The following H3Y2 variants were observed in gnomAD, a reference collection of about 807,000 sequenced individuals.
The protein encoded by H3Y2 is histone H3.X.
In H3Y2, 2 loss-of-function variants were observed where a neutral mutation model predicts 0.6. The ratio of observed to expected loss-of-function variants is 3.36; its 90% CI spans 1.37 to 10.58. The LOEUF (loss-of-function observed/expected upper bound fraction) is 10.58. Among genes scored for constraint, H3Y2 ranks in the 30% most tolerant of loss-of-function variants. The pLI, the probability that H3Y2 is intolerant of heterozygous loss-of-function variation, is 0.04. For synonymous variants in H3Y2, 20 were observed against 7.8 expected (o/e 2.56, Z -2.60); for missense variants, 36 against 19.1 (o/e 1.89, Z -1.66).
At position 17,491,559 on chromosome 5, in the gene H3Y2, A is replaced by G. The variant is rs541952863; in HGVS notation, c.210T>C (p.Arg70=). ...TGGCCTGGGCGATCTCACGCACCAG[A>G]CGCTGGAAGGGCAGCTTGCGCAGGA... ...QLLLRKLPFQ[R]LVREIAQAIS... is the part of the protein sequence containing the mutation. Residue 70 remains arginine (R), a synonymous_variant, in exon 1 of 1, where the codon CGT becomes CGC. Coordinates refer to ENST00000600799, the MANE Select transcript of H3Y2 (RefSeq NM_001371919.1). The G allele has an allele frequency of 5.6e-4, 253 of 452,962 alleles. 1 individual carries two copies. The highest frequency in any genetic ancestry group is 5.8e-4 in the Admixed American group (14 of 24,202). The allele number at this position is 452,962 out of a possible 1,614,324, so 28.1% of individuals were successfully genotyped here.
chr5:17,491,909 C>CCA lies in H3Y2; in HGVS notation c.-143_-142dup. ...GTTGAGATCCATGCGCAGGACTCTC[C>CCA]CACACACTTAACCCCTGCCAACCCA... is the stretch of plus-strand genomic sequence containing the variant. On this transcript the variant is annotated 5_prime_UTR_variant, in exon 1 of 1. Transcript: ENST00000600799. 1 of 397,274 alleles carries CCA rather than the reference C, an allele frequency of 2.5e-6. No homozygotes were observed. The highest frequency in any genetic ancestry group is 4.4e-6 in the Non-Finnish European group (1 of 226,108). 24.6% of individuals were successfully genotyped at this position (397,274 alleles called of 1,614,324 possible).
rs1738106437 is a variant in H3Y2, at chr5:17,491,310, C to G, written c.*15G>C. On this transcript the variant is annotated 3_prime_UTR_variant, in exon 1 of 1. Coordinates refer to ENST00000600799, the MANE Select transcript of H3Y2 (RefSeq NM_001371919.1). ...AGAGAAAAAAGAAAACACAAGCAAACAGAAAAGAAGTCCTCTAGAGTGCAA... is the reference window on the plus strand; with the variant it reads ...AGAGAAAAAAGAAAACACAAGCAAAGAGAAAAGAAGTCCTCTAGAGTGCAA... The G allele has an allele frequency of 2.5e-6, 1 of 401,112 alleles. No homozygotes were observed. Among genetic ancestry groups the G allele is most frequent in the Non-Finnish European group, 4.4e-6 (1 of 227,072 alleles). 24.8% of individuals were successfully genotyped at this position (401,112 alleles called of 1,614,324 possible).
chr5:17,491,461 T>G lies in H3Y2; in HGVS notation c.308A>C (p.Gln103Pro), dbSNP rs1482070016. Reference protein sequence around the residue: ...LQEASEAYLVQLFEDTNLCAI... With the variant: ...LQEASEAYLVPLFEDTNLCAI... ...ACACAGGTTGGTGTCTTCAAAGAGT[T>G]GCACCAGGTAGGCCTCGCTGGCCTC... The change falls in exon 1 of 1, where the codon CAA becomes CCA. Residue 103 changes from glutamine (Q) to proline (P), a missense_variant. Physicochemically the swap from Gln to Pro is moderately conservative, Grantham distance 76. Transcript: ENST00000600799. 7 of 567,964 alleles carry G rather than the reference T, an allele frequency of 1.2e-5. No individual in the cohort carries two copies. Among genetic ancestry groups the G allele is most frequent in the Non-Finnish European group, 1.9e-5 (6 of 319,036 alleles). 35.2% of individuals were successfully genotyped at this position (567,964 alleles called of 1,614,324 possible).
At position 17,491,421 on chromosome 5, in the gene H3Y2, C is replaced by A. The variant is rs1255857373; in HGVS notation, c.348G>T (p.Arg116Ser). The A allele has an allele frequency of 7.8e-6, 4 of 511,332 alleles. No homozygotes were observed. The highest frequency in any genetic ancestry group is 1.4e-5 in the Non-Finnish European group (4 of 287,408). The allele number at this position is 511,332 out of a possible 1,614,324, so 31.7% of individuals were successfully genotyped here. ...EDTNLCAIHA[R>S]RVTIMPRDMQ... is the part of the protein sequence containing the mutation. ...TGTCTCGGGGCATAATTGTGACGCG[C>A]CTGGCATGGATGGCACACAGGTTGG... The change falls in exon 1 of 1, where the codon AGG becomes AGT. Residue 116 changes from arginine (R) to serine (S), a missense_variant. By Grantham distance (110) the Arg-to-Ser change is moderately radical. Coordinates refer to ENST00000600799, the MANE Select transcript of H3Y2 (RefSeq NM_001371919.1).
rs919100944 is a variant in H3Y2, at chr5:17,491,225, A to T, written c.*100T>A. On this transcript the variant is annotated 3_prime_UTR_variant, in exon 1 of 1. Coordinates refer to ENST00000600799, the MANE Select transcript of H3Y2 (RefSeq NM_001371919.1). ...TGCTTAGCTACCTTTGGACCCCCGGAGGGAAAAGAAACCAAAACAGAACAA... is the reference window on the plus strand; with the variant it reads ...TGCTTAGCTACCTTTGGACCCCCGGTGGGAAAAGAAACCAAAACAGAACAA... The T allele has an allele frequency of 2.5e-6, 1 of 395,102 alleles. No homozygotes were observed. Among genetic ancestry groups the T allele is most frequent in the Admixed American group, 4.4e-5 (1 of 22,596 alleles). The allele number at this position is 395,102 out of a possible 1,614,324, so 24.5% of individuals were successfully genotyped here.
rs1425691217 is a variant in H3Y2 at position 17,491,576 on chromosome 5, T to C, written c.193A>G (p.Lys65Glu). 8 of 441,928 alleles carry C rather than the reference T, an allele frequency of 1.8e-5. No homozygotes were observed. Among genetic ancestry groups the C allele is most frequent in the Non-Finnish European group, 2.4e-5 (6 of 245,108 alleles). The allele number at this position is 441,928 out of a possible 1,614,324, so 27.4% of individuals were successfully genotyped here. ...CGCACCAGACGCTGGAAGGGCAGCT[T>C]GCGCAGGAGCAGCTGCGTGGACTTC... ...YQKSTQLLLR[K>E]LPFQRLVREI... Residue 65 changes from lysine to glutamate, a missense_variant, in exon 1 of 1, where the codon AAG becomes GAG. By Grantham distance (56) the Lys-to-Glu change is moderately conservative. Transcript: ENST00000600799.
rs748273545 is a variant in H3Y2 at position 17,491,850 on chromosome 5, G to A, written c.-82C>T. The A allele has an allele frequency of 2.5e-5, 10 of 398,652 alleles. No homozygotes were observed. The highest frequency in any genetic ancestry group is 4.4e-5 in the Non-Finnish European group (10 of 226,610). The allele number at this position is 398,652 out of a possible 1,614,324, so 24.7% of individuals were successfully genotyped here. A position where few individuals can be genotyped will look rare whatever the true frequency, so the allele number is the denominator to read the frequency against. Reference sequence around the variant, plus strand: ...GTACTGGCGTCAGAAAACAAGGGCAGTGGTGCTGTGGACAGGATTCAGAGA... The same window carrying A: ...GTACTGGCGTCAGAAAACAAGGGCAATGGTGCTGTGGACAGGATTCAGAGA... On this transcript the variant is annotated 5_prime_UTR_variant, in exon 1 of 1. Transcript: ENST00000600799.
In H3Y2 at chr5:17,491,878, C is replaced by T. The variant is rs546867764; in HGVS notation, c.-110G>A. ...GTGCTGTGGACAGGATTCAGAGAGCCTGTGAGTTGAGATCCATGCGCAGGA... is the reference window on the plus strand; with the variant it reads ...GTGCTGTGGACAGGATTCAGAGAGCTTGTGAGTTGAGATCCATGCGCAGGA... On this transcript the variant is annotated 5_prime_UTR_variant, in exon 1 of 1. Transcript: ENST00000600799. 2.5e-6 allele frequency: 1 copy of T among 397,754 alleles called. No individual in the cohort carries two copies. Among genetic ancestry groups the T allele is most frequent in the African/African-American group, 2.1e-5 (1 of 48,316 alleles). 24.6% of individuals were successfully genotyped at this position (397,754 alleles called of 1,614,324 possible). A position where few individuals can be genotyped will look rare whatever the true frequency, so the allele number is the denominator to read the frequency against.
In H3Y2 at chr5:17,491,905, T is replaced by C; in HGVS notation, c.-137A>G. The C allele has an allele frequency of 2.5e-6, 1 of 397,172 alleles. No individual in the cohort carries two copies. The highest frequency in any genetic ancestry group is 4.4e-6 in the Non-Finnish European group (1 of 226,040). The allele number at this position is 397,172 out of a possible 1,614,324, so 24.6% of individuals were successfully genotyped here. ...GTGAGTTGAGATCCATGCGCAGGACTCTCCCACACACTTAACCCCTGCCAA... is the reference window on the plus strand; with the variant it reads ...GTGAGTTGAGATCCATGCGCAGGACCCTCCCACACACTTAACCCCTGCCAA... On this transcript the variant is annotated 5_prime_UTR_variant, in exon 1 of 1. Transcript: ENST00000600799.
Position 17,491,612 on chromosome 5 carries a change from T to C in H3Y2, c.157A>G (p.Arg53Gly). The change falls in exon 1 of 1, where the codon AGA becomes GGA. Residue 53 changes from arginine to glycine, a missense_variant. Coordinates refer to ENST00000600799, the MANE Select transcript of H3Y2 (RefSeq NM_001371919.1). ...AGCTGCGTGGACTTCTGGTACTTTCTGATTTCCCGCAGCGCCAGGGTGCCA... is the reference window on the plus strand; with the variant it reads ...AGCTGCGTGGACTTCTGGTACTTTCCGATTTCCCGCAGCGCCAGGGTGCCA... The part of the protein sequence containing the change: ...KPGTLALREI[R>G]KYQKSTQLLL... 4.8e-6 allele frequency: 2 copies of C among 413,752 alleles called. No homozygotes were observed. Among genetic ancestry groups the C allele is most frequent in the East Asian group, 7.1e-5 (2 of 28,282 alleles). 25.6% of individuals were successfully genotyped at this position (413,752 alleles called of 1,614,324 possible).
rs557001837 is a variant in H3Y2 at position 17,492,022 on chromosome 5, C to A, written c.-254G>T. On this transcript the variant is annotated 5_prime_UTR_variant, in exon 1 of 1. Transcript: ENST00000600799. ...AGGTCTTGGGTTTCCTTGGTCTACC[C>A]AGCAGCAGCCAGGAGTCTCCCTCGC... is the stretch of plus-strand genomic sequence containing the variant. Among the ~76,000 whole-genome samples, 3 of 151,702 alleles carry A rather than the reference C, an allele frequency of 2.0e-5. No homozygotes were observed. The South Asian group carries it at 6.2e-4, about 32-fold the overall frequency.
rs1390267547 is a variant in H3Y2, at chr5:17,491,635, C to G, written c.134G>C (p.Gly45Ala). Reference protein sequence around the residue: ...GIKKPHRYKPGTLALREIRKY... With the variant: ...GIKKPHRYKPATLALREIRKY... Reference sequence around the variant, plus strand: ...TCTGATTTCCCGCAGCGCCAGGGTGCCAGGCTTGTAGCGGTGAGGCTTCTT... The same window carrying G: ...TCTGATTTCCCGCAGCGCCAGGGTGGCAGGCTTGTAGCGGTGAGGCTTCTT... Residue 45 changes from glycine to alanine, a missense_variant, in exon 1 of 1, where the codon GGC (glycine) becomes GCC (alanine). Physicochemically the swap from Gly to Ala is moderately conservative, Grantham distance 60 (BLOSUM62 0). Transcript: ENST00000600799. 2 of 413,714 alleles carry G rather than the reference C, an allele frequency of 4.8e-6. No individual in the cohort carries two copies. Among genetic ancestry groups the G allele is most frequent in the African/African-American group, 4.1e-5 (2 of 48,476 alleles). 25.6% of individuals were successfully genotyped at this position (413,714 alleles called of 1,614,324 possible). A position where few individuals can be genotyped will look rare whatever the true frequency, so the allele number is the denominator to read the frequency against.
In H3Y2 at chr5:17,491,862, A is replaced by T; in HGVS notation, c.-94T>A. 1 of 398,214 alleles carries T rather than the reference A, an allele frequency of 2.5e-6. No individual in the cohort carries two copies. Among genetic ancestry groups the T allele is most frequent in the Non-Finnish European group, 4.4e-6 (1 of 226,460 alleles). 24.7% of individuals were successfully genotyped at this position (398,214 alleles called of 1,614,324 possible). A position where few individuals can be genotyped will look rare whatever the true frequency, so the allele number is the denominator to read the frequency against. On this transcript the variant is annotated 5_prime_UTR_variant, in exon 1 of 1. Transcript: ENST00000600799. ...GAAAACAAGGGCAGTGGTGCTGTGGACAGGATTCAGAGAGCCTGTGAGTTG... is the reference window on the plus strand; with the variant it reads ...GAAAACAAGGGCAGTGGTGCTGTGGTCAGGATTCAGAGAGCCTGTGAGTTG...
At position 17,491,248 on chromosome 5, in the gene H3Y2, CA is replaced by C. The variant is rs1738105032; in HGVS notation, c.*76del. Reference sequence around the variant, plus strand: ...GGAGGGAAAAGAAACCAAAACAGAACAAAACTTCTCACATCAGAACTACCAG... The same window carrying C: ...GGAGGGAAAAGAAACCAAAACAGAACAAACTTCTCACATCAGAACTACCAG... On this transcript the variant is annotated 3_prime_UTR_variant, in exon 1 of 1. Transcript: ENST00000600799. The C allele has an allele frequency of 2.5e-6, 1 of 397,394 alleles. No homozygotes were observed. Among genetic ancestry groups the C allele is most frequent in the East Asian group, 3.6e-5 (1 of 28,012 alleles). The allele number at this position is 397,394 out of a possible 1,614,324, so 24.6% of individuals were successfully genotyped here.
In H3Y2 at chr5:17,491,189, T is replaced by G. The variant is rs1738103845; in HGVS notation, c.*136A>C. On this transcript the variant is annotated 3_prime_UTR_variant, in exon 1 of 1. Transcript: ENST00000600799. Reference sequence around the variant, plus strand: ...ACCTGATTTCTGCCTGCGTTTCCACTGGCAATCTTATGCTTAGCTACCTTT... The same window carrying G: ...ACCTGATTTCTGCCTGCGTTTCCACGGGCAATCTTATGCTTAGCTACCTTT... Among the ~76,000 whole-genome samples the G allele has an allele frequency of 6.6e-6, 1 of 151,754 alleles. No homozygotes were observed. The highest frequency in any genetic ancestry group is 2.1e-4 in the South Asian group (1 of 4,822).
Position 17,492,001 on chromosome 5 carries a change from C to T in H3Y2, c.-233G>A, listed in dbSNP as rs1738127992. Among the ~76,000 whole-genome samples, 1 of 151,638 alleles carries T rather than the reference C, an allele frequency of 6.6e-6. No homozygotes were observed. Among genetic ancestry groups the T allele is most frequent in the African/African-American group, 2.4e-5 (1 of 41,010 alleles). ...GGGCTGCTTAGTCTTCCCGGAAGGT[C>T]TTGGGTTTCCTTGGTCTACCCAGCA... On this transcript the variant is annotated 5_prime_UTR_variant, in exon 1 of 1. Coordinates refer to ENST00000600799, the MANE Select transcript of H3Y2 (RefSeq NM_001371919.1).
rs1738119977 is a variant in H3Y2, at chr5:17,491,810, G to A, written c.-42C>T. 2.5e-6 allele frequency: 1 copy of A among 399,686 alleles called. No homozygotes were observed. The allele number at this position is 399,686 out of a possible 1,614,324, so 24.8% of individuals were successfully genotyped here. A position where few individuals can be genotyped will look rare whatever the true frequency, so the allele number is the denominator to read the frequency against. ...CTCTCTCCTCTCTGAGGCTGAGCCT[G>A]GCCTGCTGCAGGCAGTACTGGCGTC... On this transcript the variant is annotated 5_prime_UTR_variant, in exon 1 of 1. Transcript: ENST00000600799.
At position 17,491,709 on chromosome 5, in the gene H3Y2, G is replaced by C. The variant is rs1738116592; in HGVS notation, c.60C>G (p.Pro20=). ...TTTTTCTGGCGGCTTTGGTGGCCAG[G>C]GGCTTCCTGGGGGCCTGCCAGGCGG... ...KATAWQAPRK[P]LATKAARKRA... The change falls in exon 1 of 1, where the codon CCC becomes CCG. Residue 20 remains proline (P), a synonymous_variant. Transcript: ENST00000600799. The C allele has an allele frequency of 9.9e-6, 4 of 404,210 alleles. No homozygotes were observed. Among genetic ancestry groups the C allele is most frequent in the Non-Finnish European group, 1.7e-5 (4 of 230,134 alleles). 25.0% of individuals were successfully genotyped at this position (404,210 alleles called of 1,614,324 possible).
At position 17,491,712 on chromosome 5, in the gene H3Y2, C is replaced by T. The variant is rs951713991; in HGVS notation, c.57G>A (p.Lys19=). ...RKATAWQAPR[K]PLATKAARKR... ...TTCTGGCGGCTTTGGTGGCCAGGGG[C>T]TTCCTGGGGGCCTGCCAGGCGGTGG... Residue 19 remains lysine, a synonymous_variant, in exon 1 of 1, where the codon AAG becomes AAA. Transcript: ENST00000600799. 15 of 404,516 alleles carry T rather than the reference C, an allele frequency of 3.7e-5. No individual in the cohort carries two copies. Among genetic ancestry groups the T allele is most frequent in the African/African-American group, 2.9e-4 (14 of 48,496 alleles). 25.1% of individuals were successfully genotyped at this position (404,516 alleles called of 1,614,324 possible).
Sources: gnomAD v4.1 joint callset for allele counts (sites outside exome capture counted in the v4.1 genomes callset) on GRCh38, gnomAD v4.1.1 for gene constraint, MANE v1.5 for transcripts, NCBI Gene and HGNC (gene_info 2026-07-23, HGNC 2026-07-21) for gene names.